Variants in RBMS3 observed in about 807,000 individuals in gnomAD.
The protein encoded by RBMS3 is RNA binding motif single stranded interacting protein 3, also known as RNA-binding motif, single-stranded-interacting protein 3.
RBMS3 carries 27 observed loss-of-function variants against 66.8 expected under a neutral mutation model. That is an observed-to-expected ratio of 0.40 (90% CI 0.30 to 0.56). The LOEUF is 0.56. RBMS3 is among the 20% of genes least tolerant of loss of function. The pLI, the probability that RBMS3 is intolerant of heterozygous loss-of-function variation, is 0.40. For synonymous variants in RBMS3, 188 were observed against 183.0 expected, an observed-to-expected ratio of 1.03 and a Z score of -0.22; for missense variants, 513 against 549.5, an observed-to-expected ratio of 0.93 and a Z score of 0.66.
chr3:29,606,990 A>C (rs1442176668), intron 4 of RBMS3, among the ~76,000 whole-genome samples: 1 of 152,052 alleles, frequency 6.6e-6, no homozygotes, highest in South Asian at 2.1e-4. Context: ...AAATAAAATA[A>C]TCTGACAGAG....
rs538720212 is a variant in RBMS3 at position 29,347,608 on chromosome 3, G to C, written c.75+65852G>C. ...ATCACAGGAAATAGTCAATTATGTGGATTCCACGCAGTTTCCAAGGTTATG... is the reference window on the plus strand; with the variant it reads ...ATCACAGGAAATAGTCAATTATGTGCATTCCACGCAGTTTCCAAGGTTATG... On this transcript the variant is annotated intron_variant, in intron 1 of 14. Transcript: ENST00000383767. 3.2e-3 allele frequency among the ~76,000 whole-genome samples: 488 copies of C among 152,244 alleles called. 2 individuals are homozygous for C. The highest frequency in any genetic ancestry group is 0.011 in the African/African-American group (469 of 41,550).
At chr3:29,935,633 T>C (rs555083137) in intron 10 of RBMS3, among the ~76,000 whole-genome samples, 3 of 152,248 alleles carry the variant, frequency 2.0e-5, no homozygotes, top group African/African-American at 7.2e-5. Context: ...CTCTTAGTGG[T>C]AGATTGTATT....
At chr3:29,292,278 G>A (rs556210520) in intron 1 of RBMS3, among the ~76,000 whole-genome samples, 1 of 151,716 alleles carries the variant, frequency 6.6e-6, no homozygotes, top group South Asian at 2.1e-4. Context: ...TTTCTCTGAG[G>A]CTTTACAACC....
At chr3:29,457,218 A>G (rs974121434) in intron 2 of RBMS3, among the ~76,000 whole-genome samples, 3 of 152,170 alleles carry the variant, frequency 2.0e-5, no homozygotes, top group African/African-American at 7.2e-5. Context: ...TCTATCTTCT[A>G]GATGTCTCTC....
At chr3:29,685,555 C>T (rs2051694576) in intron 4 of RBMS3, among the ~76,000 whole-genome samples, 1 of 152,098 alleles carries the variant, frequency 6.6e-6, no homozygotes, top group African/African-American at 2.4e-5. Context: ...TGGTGCAAAA[C>T]AAGTTCCGGT....
At chr3:29,929,689 AT>A (rs1354443828) in intron 10 of RBMS3, among the ~76,000 whole-genome samples, 2 of 152,216 alleles carry the variant, frequency 1.3e-5, no homozygotes, top group Non-Finnish European at 2.9e-5. Context: ...TATGTTTATA[AT>A]TAATAGATAT....
At chr3:29,319,974 GTT>G in intron 1 of RBMS3, among the ~76,000 whole-genome samples, 1 of 152,108 alleles carries the variant, frequency 6.6e-6, no homozygotes, top group African/African-American at 2.4e-5. Context: ...CTGGAGCCGG[GTT>G]TTAAACCTGG....
In RBMS3 at chr3:29,884,059, A is replaced by G; in HGVS notation, c.745-103A>G. 9.9e-6 allele frequency: 10 copies of G among 1,013,054 alleles called. No homozygotes were observed. The South Asian group carries it at 1.3e-4, about 14-fold the overall frequency. 62.8% of individuals were successfully genotyped at this position (1,013,054 alleles called of 1,614,324 possible). On this transcript the variant is annotated intron_variant, in intron 7 of 14. Coordinates refer to ENST00000383767, the MANE Select transcript of RBMS3 (RefSeq NM_001003793.3). ...TATACATAGGAGAAAATAAACTTAGATCATGGAAAGTAATGATAAGAGTCT... is the reference window on the plus strand; with the variant it reads ...TATACATAGGAGAAAATAAACTTAGGTCATGGAAAGTAATGATAAGAGTCT...
intron 2 of RBMS3, among the ~76,000 whole-genome samples, chr3:29,468,157 C>T (rs541440223): frequency 6.6e-6 from 1 of 152,142 alleles, no homozygotes; most frequent in African/African-American, 2.4e-5. Flanking sequence ...AATTTGGTTG[C>T]TTTTATACAT....
intron 12 of RBMS3, among the ~76,000 whole-genome samples, chr3:29,977,530 T>TG (rs1033532847): frequency 2.0e-5 from 3 of 152,038 alleles, no homozygotes; most frequent in Admixed American, 2.0e-4. Context: ...ACAATTTTTT[T>TG]TTGTTTCTTC....
intron 4 of RBMS3, among the ~76,000 whole-genome samples, chr3:29,736,896 T>C (rs1033464317): frequency 6.6e-6 from 1 of 152,200 alleles, no homozygotes; most frequent in Non-Finnish European, 1.5e-5. Context: ...AGCTATAATT[T>C]GAAAACATGA....
chr3:29,800,222 A>AT (rs201912230), intron 6 of RBMS3, among the ~76,000 whole-genome samples: 18,556 of 147,702 alleles, frequency 0.13, 1,140 homozygotes, highest in African/African-American at 0.14. Flanking sequence ...AAAGGCCTTA[A>AT]TTTTTTTTTT....
intron 4 of RBMS3, among the ~76,000 whole-genome samples, chr3:29,628,612 T>A (rs1454477172): frequency 6.6e-6 from 1 of 152,196 alleles, no homozygotes; most frequent in African/African-American, 2.4e-5. Flanking sequence ...CTTTTACATG[T>A]ACCATTATAT....
chr3:29,728,453 T>C (rs2053984659), intron 4 of RBMS3, among the ~76,000 whole-genome samples: 1 of 152,142 alleles, frequency 6.6e-6, no homozygotes, highest in Non-Finnish European at 1.5e-5. Flanking sequence ...AATAAAAAAA[T>C]AGTTTAACCT....
intron 4 of RBMS3, among the ~76,000 whole-genome samples, chr3:29,716,352 A>G (rs1301146983): frequency 6.6e-6 from 1 of 152,164 alleles, no homozygotes; most frequent in Admixed American, 6.6e-5. Context: ...AGCATTCTAA[A>G]ACAAACAACA....
chr3:29,331,639 A>T lies in RBMS3; in HGVS notation c.75+49883A>T, dbSNP rs185894381. 2.9e-3 allele frequency among the ~76,000 whole-genome samples: 438 copies of T among 151,996 alleles called. 2 individuals are homozygous for T. Among genetic ancestry groups the T allele is most frequent in the African/African-American group, 0.01 (417 of 41,452 alleles). ...GATCCATGTAGAATGTTATAGTCAG[A>T]CTTCTCAGCCTCGCGTGGCTGACCA... On this transcript the variant is annotated intron_variant, in intron 1 of 14. Coordinates refer to ENST00000383767, the MANE Select transcript of RBMS3 (RefSeq NM_001003793.3).
At chr3:29,726,724 A>G (rs1458977908) in intron 4 of RBMS3, among the ~76,000 whole-genome samples, 1 of 152,126 alleles carries the variant, frequency 6.6e-6, no homozygotes, top group Non-Finnish European at 1.5e-5. Context: ...ACAAATGGAA[A>G]AACATTCCAT....
intron 3 of RBMS3, among the ~76,000 whole-genome samples, chr3:29,490,448 C>T (rs2043500140): frequency 6.6e-6 from 1 of 151,888 alleles, no homozygotes; most frequent in Non-Finnish European, 1.5e-5. Context: ...TGAAACAAAC[C>T]CTACATACAT....
intron 6 of RBMS3, among the ~76,000 whole-genome samples, chr3:29,848,977 T>C (rs2058859058): frequency 6.6e-6 from 1 of 152,176 alleles, no homozygotes; most frequent in Non-Finnish European, 1.5e-5. Flanking sequence ...TTCTAGATCT[T>C]TTGTAAAATC....
Sources: gnomAD v4.1 joint callset for allele counts (sites outside exome capture counted in the v4.1 genomes callset) on GRCh38, gnomAD v4.1.1 for gene constraint, MANE v1.5 for transcripts, NCBI Gene and HGNC (gene_info 2026-07-23, HGNC 2026-07-21) for gene names.